PDE1C: variants seen among roughly 807,000 people sequenced by gnomAD.
The protein encoded by PDE1C is phosphodiesterase 1C, also known as dual specificity calcium/calmodulin-dependent 3',5'-cyclic nucleotide phosphodiesterase 1C.
A neutral mutation model predicts 93.1 loss-of-function variants in PDE1C; 62 were observed. That is an observed-to-expected ratio of 0.67 (90% CI 0.54 to 0.82). The LOEUF (loss-of-function observed/expected upper bound fraction) is 0.82, where lower values mean the gene tolerates loss of function less well. Ranked by LOEUF, PDE1C falls within the 40% of genes least tolerant of loss-of-function variation. The pLI, the probability that PDE1C is intolerant of heterozygous loss-of-function variation, is 0.00. For synonymous variants in PDE1C, 325 were observed against 310.1 expected, an observed-to-expected ratio of 1.05 and a Z score of -0.50; for missense variants, 742 against 884.6, an observed-to-expected ratio of 0.84 and a Z score of 2.04.
At chr7:31,963,159 T>C (rs956432688) in intron 2 of PDE1C, among the ~76,000 whole-genome samples, 6 of 152,172 alleles carry the variant, frequency 3.9e-5, no homozygotes, top group East Asian at 1.9e-4. Flanking sequence ...GAACTGCCTA[T>C]ATTTATTGAC....
At chr7:31,916,262 T>C (rs888663260) in intron 2 of PDE1C, among the ~76,000 whole-genome samples, 3 of 152,176 alleles carry the variant, frequency 2.0e-5, no homozygotes, top group African/African-American at 7.2e-5. Context: ...ATAAAAACTG[T>C]CTGTTTCATT....
Position 32,209,601 on chromosome 7 carries a change from C to T in PDE1C, c.86-62G>A, listed in dbSNP as rs544684426. 9.9e-5 allele frequency: 131 copies of T among 1,328,050 alleles called. 5 individuals are homozygous for T. The South Asian group carries it at 1.7e-3, about 17-fold the overall frequency. 82.3% of individuals were successfully genotyped at this position (1,328,050 alleles called of 1,614,324 possible). A position where few individuals can be genotyped will look rare whatever the true frequency, so the allele number is the denominator to read the frequency against. On this transcript the variant is annotated intron_variant, in intron 1 of 18. Transcript: ENST00000396193. ...AAGCAATGTGTCCACCAAATATGCC[C>T]CAATACAGCCAATCCCCTGGATGCT...
intron 1 of PDE1C, among the ~76,000 whole-genome samples, chr7:32,236,989 A>C (rs543905709): frequency 4.3e-4 from 65 of 152,252 alleles, no homozygotes; most frequent in African/African-American, 1.4e-3. Context: ...TGATACATGC[A>C]ACATCTGGAA....
chr7:31,845,494 CA>C (rs1792448749), intron 9 of PDE1C, among the ~76,000 whole-genome samples: 1 of 151,882 alleles, frequency 6.6e-6, no homozygotes, highest in Non-Finnish European at 1.5e-5. Context: ...TCACTGGACA[CA>C]AGGAGGGAAA....
At chr7:31,633,161 AG>A in the PDE1C span, among the ~76,000 whole-genome samples, 15 of 152,058 alleles carry the variant, frequency 9.9e-5, no homozygotes, top group South Asian at 4.2e-4. Flanking sequence ...CTGGGATTAC[AG>A]GCGTGAGCTA....
intron 1 of PDE1C, among the ~76,000 whole-genome samples, chr7:32,350,419 T>C (rs1343975769): frequency 6.6e-6 from 1 of 152,112 alleles, no homozygotes; most frequent in Non-Finnish European, 1.5e-5. Flanking sequence ...CAAAGAACAA[T>C]TCCTTAATAT....
chr7:32,390,757 G>A lies in PDE1C; in HGVS notation c.310+37065C>T, dbSNP rs1007586627. On this transcript the variant is annotated intron_variant, in intron 1 of 1. Transcript: ENST00000672256. ...AGCTACTCGGGAGGCTGAGGTGGAG[G>A]TGGGAGGATTGCTTGAGCCTGGGAG... Among the ~76,000 whole-genome samples, 4 of 152,092 alleles carry A rather than the reference G, an allele frequency of 2.6e-5. 1 individual carries two copies. The highest frequency in any genetic ancestry group is 2.0e-4 in the Admixed American group (3 of 15,256).
chr7:32,336,693 A>G (rs1240967718), intron 1 of PDE1C, among the ~76,000 whole-genome samples: 1 of 152,220 alleles, frequency 6.6e-6, no homozygotes, highest in African/African-American at 2.4e-5. Context: ...TGGGATCTTA[A>G]AATAGTCTTT....
At chr7:32,079,448 C>A (rs1469402127) in intron 3 of PDE1C, among the ~76,000 whole-genome samples, 1 of 152,212 alleles carries the variant, frequency 6.6e-6, no homozygotes, top group African/African-American at 2.4e-5. Context: ...GTGTAACAAA[C>A]TATCCTCAAA....
At chr7:32,288,210 G>A (rs1397508951) in intron 1 of PDE1C, among the ~76,000 whole-genome samples, 2 of 152,292 alleles carry the variant, frequency 1.3e-5, no homozygotes, top group African/African-American at 4.8e-5. Flanking sequence ...GAGTCACTCC[G>A]ACTTCTTGGA....
chr7:32,002,311 GA>G (rs1387998479), intron 2 of PDE1C, among the ~76,000 whole-genome samples: 2 of 152,136 alleles, frequency 1.3e-5, no homozygotes, highest in East Asian at 3.9e-4. Context: ...TATCTACAGG[GA>G]GCACACGCAG....
chr7:32,420,351 GTGTATATATATATGTGTATATATA>G lies in PDE1C; in HGVS notation c.310+7447_310+7470del. On this transcript the variant is annotated intron_variant, in intron 1 of 1. Transcript: ENST00000672256. ...TGTATATATATATGTGTATATATAT[GTGTATATATATATGTGTATATATA>G]TGTGTATATATATATATACACACAC... Among the ~76,000 whole-genome samples, 4 of 13,250 alleles carry G rather than the reference GTGTATATATATATGTGTATATATA, an allele frequency of 3.0e-4. 1 individual carries two copies. Among genetic ancestry groups the G allele is most frequent in the African/African-American group, 1.1e-3 (4 of 3,542 alleles). The allele number at this position is 13,250 out of a possible 152,430, so 8.7% of individuals were successfully genotyped here.
intron 2 of PDE1C, among the ~76,000 whole-genome samples, chr7:32,192,150 T>G (rs989261427): frequency 6.6e-6 from 1 of 152,210 alleles, no homozygotes; most frequent in African/African-American, 2.4e-5. Flanking sequence ...AAATATTTTA[T>G]CCCACCTTGT....
At chr7:31,618,778 G>A in the PDE1C span, among the ~76,000 whole-genome samples, 2 of 152,198 alleles carry the variant, frequency 1.3e-5, no homozygotes, top group African/African-American at 2.4e-5. Flanking sequence ...TTGGCATCAG[G>A]ATGAAACCCA....
chr7:32,129,426 T>A (rs2128770414), intron 3 of PDE1C, among the ~76,000 whole-genome samples: 1 of 134,234 alleles, frequency 7.4e-6, no homozygotes, highest in East Asian at 2.6e-4. Flanking sequence ...GATTAACTTG[T>A]ACTCATTTCA....
chr7:31,903,019 G>C (rs1432207611), intron 2 of PDE1C, among the ~76,000 whole-genome samples: 1 of 151,576 alleles, frequency 6.6e-6, no homozygotes, highest in African/African-American at 2.4e-5. Flanking sequence ...TTTTATAACT[G>C]CATATTTCAT....
At chr7:32,164,830 T>C (rs555996246) in intron 3 of PDE1C, among the ~76,000 whole-genome samples, 1 of 152,298 alleles carries the variant, frequency 6.6e-6, no homozygotes, top group East Asian at 1.9e-4. Context: ...TTGGGTCCTC[T>C]AGTGGCAGGT....
Position 31,773,578 on chromosome 7 carries a change from G to A in PDE1C, c.1960+2086C>T, listed in dbSNP as rs148205833. 2.0e-4 allele frequency among the ~76,000 whole-genome samples: 31 copies of A among 151,932 alleles called. No individual in the cohort carries two copies. In the East Asian group the frequency reaches 4.3e-3, roughly 21 times the overall value. ...ATAACCTCAAGCAGAGACGAGATGC[G>A]AGGGGCTTCCAGAAACTATAGAACA... is the stretch of plus-strand genomic sequence containing the variant. On this transcript the variant is annotated intron_variant, in intron 17 of 17. Coordinates refer to ENST00000396191, the MANE Select transcript of PDE1C (RefSeq NM_001191057.4).
chr7:32,125,805 C>G (rs1037186090), intron 3 of PDE1C, among the ~76,000 whole-genome samples: 20 of 152,062 alleles, frequency 1.3e-4, no homozygotes, highest in African/African-American at 4.3e-4. Flanking sequence ...ATGTAACAAA[C>G]CTGCACATTC....
Sources: allele counts gnomAD v4.1 joint callset (sites outside exome capture counted in the v4.1 genomes callset), GRCh38; gene constraint gnomAD v4.1.1; transcripts MANE v1.5; gene names NCBI Gene and HGNC (gene_info 2026-07-23, HGNC 2026-07-21).